The following MTMR10 variants were observed in gnomAD, a reference collection of about 807,000 sequenced individuals.
The protein encoded by MTMR10 is myotubularin-related protein 10.
Under a neutral mutation model 88.1 loss-of-function variants are expected in MTMR10, and 56 were observed. That is an observed-to-expected ratio of 0.64 (90% CI 0.51 to 0.79). The LOEUF is 0.79. MTMR10 is among the 30% of genes least tolerant of loss of function. The pLI, the probability that MTMR10 is intolerant of heterozygous loss-of-function variation, is 0.00. For missense variants in MTMR10, 883 were observed against 924.7 expected (o/e 0.95, Z 0.58); for synonymous variants, 380 against 340.9 (o/e 1.11, Z -1.26).
rs572087510 is a variant in MTMR10, at chr15:30,953,913, G to A, written c.1067-282C>T. Among the ~76,000 whole-genome samples the A allele has an allele frequency of 1.1e-4, 16 of 152,250 alleles. No homozygotes were observed. The South Asian group carries it at 1.9e-3, about 18-fold the overall frequency. On this transcript the variant is annotated intron_variant, in intron 10 of 15. Coordinates refer to ENST00000435680, the MANE Select transcript of MTMR10 (RefSeq NM_017762.3). ...CTCCCAACAGCTAAGAATTCCAGCC[G>A]TCCCTGCTCAGCCTATGCCTTGATC...
chr15:30,945,168 T>C (rs2063152070), intron 14 of MTMR10, among the ~76,000 whole-genome samples: 1 of 152,058 alleles, frequency 6.6e-6, no homozygotes, highest in Non-Finnish European at 1.5e-5. Flanking sequence ...CTTTTGCCTG[T>C]GTGGAAGGGG....
intron 5 of MTMR10, among the ~76,000 whole-genome samples, chr15:30,968,960 G>C (rs1372330118): frequency 1.3e-5 from 2 of 152,098 alleles, no homozygotes; most frequent in African/African-American, 2.4e-5. Flanking sequence ...AGAAATTTAA[G>C]ACATATGCAA....
At position 30,940,112 on chromosome 15, in the gene MTMR10, T is replaced by TATC. The variant is rs1168074315; in HGVS notation, c.*1355_*1357dup. 6.1e-6 allele frequency: 6 copies of TATC among 985,228 alleles called. No individual in the cohort carries two copies. The highest frequency in any genetic ancestry group is 3.5e-5 in the African/African-American group (2 of 57,246). 61.0% of individuals were successfully genotyped at this position (985,228 alleles called of 1,614,324 possible). On this transcript the variant is annotated 3_prime_UTR_variant, in exon 16 of 16. Coordinates refer to ENST00000435680, the MANE Select transcript of MTMR10 (RefSeq NM_017762.3). The stretch of plus-strand genomic sequence containing the variant: ...GACACTTTACTATAAAAATTTTCCA[T>TATC]ATCTTAGGATGGCAGTTTAAGAAAC...
intron 2 of MTMR10, among the ~76,000 whole-genome samples, chr15:30,989,677 A>G (rs1323101879): frequency 1.3e-5 from 2 of 150,992 alleles, no homozygotes; most frequent in Non-Finnish European, 3.0e-5. Flanking sequence ...CCGCCTCCCG[A>G]GTTCATGCCA....
chr15:30,977,057 G>T, intron 2 of MTMR10, 102 bp from the exon 3 acceptor site: 1 of 1,126,356 alleles, frequency 8.9e-7, no homozygotes, highest in Non-Finnish European at 1.3e-6. Context: ...GATGAGGATA[G>T]TGAAAACATT....
At position 30,941,993 on chromosome 15, in the gene MTMR10, C is replaced by T. The variant is rs1173990308; in HGVS notation, c.1811G>A (p.Arg604Lys). The T allele has an allele frequency of 1.9e-6, 3 of 1,614,002 alleles. No homozygotes were observed. Among genetic ancestry groups the T allele is most frequent in the South Asian group, 2.2e-5 (2 of 91,086 alleles). The change falls in exon 16 of 16, where the codon AGG (arginine) becomes AAG (lysine). Residue 604 changes from arginine (R) to lysine (K), a missense_variant. Arg to Lys is a conservative substitution (Grantham distance 26). Around this residue, in one of 3 missense-constraint regions of MTMR10, gnomAD observed 343 missense variants for 323.2 expected, o/e 1.06. Transcript: ENST00000435680. Reference protein sequence around the residue: ...GIISDQELLPRRNSLILKPKP... With the variant: ...GIISDQELLPKRNSLILKPKP... ...TGGTTTTAATATCAATGAATTTCTCCTTGGAAGTAATTCTTGGTCACTGAT... is the reference window on the plus strand; with the variant it reads ...TGGTTTTAATATCAATGAATTTCTCTTTGGAAGTAATTCTTGGTCACTGAT...
intron 3 of MTMR10, among the ~76,000 whole-genome samples, chr15:30,976,049 C>T (rs960740037): frequency 1.1e-4 from 17 of 150,428 alleles, no homozygotes; most frequent in African/African-American, 4.2e-4. Context: ...CGATACTATT[C>T]TTCACTCTTC....
At chr15:30,962,101 T>G (rs1049071156) in intron 6 of MTMR10, among the ~76,000 whole-genome samples, 3 of 152,230 alleles carry the variant, frequency 2.0e-5, no homozygotes, top group South Asian at 4.1e-4. Flanking sequence ...TCCTTGTTCT[T>G]TGCTAGAGTG....
At chr15:30,942,863 C>T in intron 15 of MTMR10, 27 bp downstream of exon 15, 2 of 1,541,740 alleles carry the variant, frequency 1.3e-6, no homozygotes, top group African/African-American at 1.4e-5. Flanking sequence ...TGTGAGCCAA[C>T]ATCACGTTTT....
chr15:30,922,259 C>CTT, the MTMR10 span: 2 of 1,612,162 alleles, frequency 1.2e-6, no homozygotes, highest in East Asian at 4.5e-5. Context: ...ACTTGAAAGC[C>CTT]TTTTGTCTCA....
chr15:30,977,002 C>G (rs1207544415), intron 2 of MTMR10, 47 bp from the exon 3 acceptor site: 1 of 1,572,758 alleles, frequency 6.4e-7, no homozygotes, highest in African/African-American at 1.4e-5. Flanking sequence ...CATAAAATAC[C>G]AACGGTCTTT....
intron 2 of MTMR10, among the ~76,000 whole-genome samples, chr15:30,990,201 G>A (rs998904680): frequency 6.6e-6 from 1 of 152,108 alleles, no homozygotes; most frequent in Non-Finnish European, 1.5e-5. Flanking sequence ...ACTAGGTGGT[G>A]GGGGATAAGG....
downstream of MTMR10, among the ~76,000 whole-genome samples, chr15:30,937,854 A>C (rs1455367739): frequency 6.6e-6 from 1 of 152,090 alleles, no homozygotes; most frequent in Non-Finnish European, 1.5e-5. Context: ...GAAAACTCAA[A>C]AACAAGTGAT....
downstream of MTMR10, chr15:30,938,815 T>A (rs1258498854): frequency 4.4e-5 from 32 of 722,002 alleles, no homozygotes; most frequent in Non-Finnish European, 5.3e-5. Flanking sequence ...TACTGATCAC[T>A]ACCTGGCTTT....
intron 2 of MTMR10, among the ~76,000 whole-genome samples, chr15:30,982,713 A>G (rs138656988): frequency 1.3e-5 from 2 of 152,236 alleles, no homozygotes; most frequent in African/African-American, 4.8e-5. Context: ...AGTTAGTGAC[A>G]TGAGTTTTAT....
rs1471860432 is a variant in MTMR10, at chr15:30,941,909, C to T, written c.1895G>A (p.Arg632Lys). 5.6e-6 allele frequency: 9 copies of T among 1,614,016 alleles called. No homozygotes were observed. Among genetic ancestry groups the T allele is most frequent in the East Asian group, 2.2e-5 (1 of 44,890 alleles). Residue 632 changes from arginine to lysine, a missense_variant, in exon 16 of 16, where the codon AGA (arginine) becomes AAA (lysine). Physicochemically the swap from Arg to Lys is conservative, Grantham distance 26. Around this residue, in one of 3 missense-constraint regions of MTMR10, gnomAD observed 343 missense variants for 323.2 expected, o/e 1.06. Transcript: ENST00000435680. ...GTTGGCGGGTTTGGAAAACCATTCT[C>T]TAAAATACTGCTCCGTATCACTGTT... is the stretch of plus-strand genomic sequence containing the variant. The part of the protein sequence containing the change: ...SQNSDTEQYF[R>K]EWFSKPANLH...
chr15:30,990,697 C>T (rs1227314019), intron 2 of MTMR10, 80 bp downstream of exon 2: 4 of 1,197,304 alleles, frequency 3.3e-6, no homozygotes, highest in Non-Finnish European at 4.8e-6. Context: ...GGAAGTTAAC[C>T]ACATGATACT....
chr15:30,935,737 T>A (rs1217396798), downstream of MTMR10, among the ~76,000 whole-genome samples: 1 of 152,066 alleles, frequency 6.6e-6, no homozygotes, highest in Non-Finnish European at 1.5e-5. Flanking sequence ...TTGAAAGATA[T>A]TTTCTCCGTG....
intron 7 of MTMR10, among the ~76,000 whole-genome samples, chr15:30,960,668 G>A (rs900086509): frequency 1.3e-5 from 2 of 152,172 alleles, no homozygotes; most frequent in African/African-American, 4.8e-5. Context: ...GACTACTGAT[G>A]ACAGTAAGGA....
Sources: gnomAD v4.1 joint callset for allele counts (sites outside exome capture counted in the v4.1 genomes callset) on GRCh38, gnomAD v4.1.1 for gene constraint, gnomAD v4.1.1 regional missense constraint, MANE v1.5 for transcripts, NCBI Gene and HGNC (gene_info 2026-07-23, HGNC 2026-07-21) for gene names.